SVIL: variants seen among roughly 807,000 people sequenced by gnomAD.
The protein encoded by SVIL is supervillin, also known as archvillin.
A neutral mutation model predicts 240.4 loss-of-function variants in SVIL; 101 were observed. That is an observed-to-expected ratio of 0.42 (90% CI 0.36 to 0.50). The LOEUF (loss-of-function observed/expected upper bound fraction) is 0.50, where lower values mean the gene tolerates loss of function less well. Among genes scored for constraint, SVIL ranks in the 20% least tolerant of loss-of-function variants. SVIL has a pLI of 0.01. For missense variants in SVIL, 2,512 were observed against 2,818.7 expected, an observed-to-expected ratio of 0.89 and a Z score of 2.46; for synonymous variants, 999 against 1,100.0, an observed-to-expected ratio of 0.91 and a Z score of 1.82.
chr10:29,553,248 G>C (rs59035123), intron 5 of SVIL, among the ~76,000 whole-genome samples: 45,414 of 151,682 alleles, frequency 0.3, 7,087 homozygotes, highest in African/African-American at 0.39. Context: ...ATCAACAGCT[G>C]TCTCTGAGCT....
At chr10:29,576,394 A>G (rs1383828557) in intron 1 of SVIL, among the ~76,000 whole-genome samples, 1 of 152,162 alleles carries the variant, frequency 6.6e-6, no homozygotes, top group Admixed American at 6.5e-5. Context: ...TGGTCTACAT[A>G]TAGAAGTTAA....
rs145284035 is a variant in SVIL at position 29,465,673 on chromosome 10, C to A, written c.6055G>T (p.Val2019Leu). 26 of 1,613,538 alleles carry A rather than the reference C, an allele frequency of 1.6e-5. No homozygotes were observed. The African/African-American group carries it at 2.5e-4, about 16-fold the overall frequency. ...SSGDFAATEF[V>L]YPARAPSVVS... ...ACAGAGGGGGCTCGGGCAGGGTACA[C>A]AAACTCTGTGGCTGCAAAATCCCCA... Residue 2019 changes from valine (V) to leucine (L), a missense_variant, in exon 34 of 38, where the codon GTG becomes TTG. By Grantham distance (32) the Val-to-Leu change is conservative. Around this residue, in one of 3 missense-constraint regions of SVIL, gnomAD observed 797 missense variants for 925.3 expected, o/e 0.86. Transcript: ENST00000355867.
intron 29 of SVIL, among the ~76,000 whole-genome samples, chr10:29,479,549 TC>T (rs1946600498): frequency 6.6e-6 from 1 of 152,214 alleles, no homozygotes; most frequent in Admixed American, 6.5e-5. Context: ...TGCTGGCTGT[TC>T]CTGCACCTGC....
intron 2 of SVIL, among the ~76,000 whole-genome samples, chr10:29,684,946 G>A (rs1217642555): frequency 6.6e-6 from 1 of 152,000 alleles, no homozygotes; most frequent in East Asian, 1.9e-4. Flanking sequence ...AGGTTCAGGG[G>A]TATTACACGT....
intron 1 of SVIL, among the ~76,000 whole-genome samples, chr10:29,693,571 A>G (rs1286447441): frequency 6.6e-6 from 1 of 152,188 alleles, no homozygotes; most frequent in African/African-American, 2.4e-5. Flanking sequence ...AGCAGGACTA[A>G]GCTGCCCCTG....
chr10:29,623,420 C>CAGTA (rs1309626455), intron 1 of SVIL, among the ~76,000 whole-genome samples: 1 of 152,166 alleles, frequency 6.6e-6, no homozygotes, highest in Non-Finnish European at 1.5e-5. Flanking sequence ...TTCTACTGGC[C>CAGTA]AGTACTAAGT....
chr10:29,680,199 T>C (rs1026043801), intron 2 of SVIL, among the ~76,000 whole-genome samples: 23 of 151,976 alleles, frequency 1.5e-4, no homozygotes, highest in African/African-American at 5.6e-4. Context: ...ATAATAAAAG[T>C]CTGTTTAGTC....
intron 3 of SVIL, among the ~76,000 whole-genome samples, chr10:29,557,599 CATTTT>C (rs1238200188): frequency 6.6e-6 from 1 of 152,048 alleles, no homozygotes; most frequent in South Asian, 2.1e-4. Flanking sequence ...CAACTAAAGG[CATTTT>C]AAAAAAAGAT....
chr10:29,636,323 C>T (rs1958309303), upstream of SVIL, among the ~76,000 whole-genome samples: 1 of 152,102 alleles, frequency 6.6e-6, no homozygotes, highest in African/African-American at 2.4e-5. Context: ...TAAAAACTTA[C>T]ATGAAACAGT....
intron 1 of SVIL, among the ~76,000 whole-genome samples, chr10:29,580,555 G>C (rs531640273): frequency 3.3e-5 from 5 of 152,198 alleles, no homozygotes; most frequent in African/African-American, 9.6e-5. Context: ...CCAGAGGTCC[G>C]TACGATGTCA....
chr10:29,466,240 TTA>T (rs1944905151), intron 33 of SVIL, among the ~76,000 whole-genome samples: 1 of 150,684 alleles, frequency 6.6e-6, no homozygotes, highest in Non-Finnish European at 1.5e-5. Flanking sequence ...TGCATATATG[TTA>T]TATAACATAA....
chr10:29,498,188 C>A (rs146903449), intron 18 of SVIL, among the ~76,000 whole-genome samples: 8,827 of 149,428 alleles, frequency 0.059, 813 homozygotes, highest in African/African-American at 0.2. Context: ...GAGGTCGAAG[C>A]GGGTGGATCA....
intron 2 of SVIL, among the ~76,000 whole-genome samples, chr10:29,666,814 AAGGAGG>A (rs2133049517): frequency 6.6e-6 from 1 of 152,340 alleles, no homozygotes; most frequent in East Asian, 1.9e-4. Context: ...GTTTCTCTTC[AAGGAGG>A]AAAATCACAC....
chr10:29,686,499 G>A (rs1037984085), intron 2 of SVIL: 1 of 152,170 alleles, frequency 6.6e-6, no homozygotes, highest in African/African-American at 2.4e-5. Flanking sequence ...TGCTGCTACT[G>A]CAGCTGAACT....
intron 1 of SVIL, among the ~76,000 whole-genome samples, chr10:29,693,749 A>T (rs983136677): frequency 3.3e-5 from 5 of 152,216 alleles, no homozygotes; most frequent in African/African-American, 1.2e-4. Context: ...AATGTGAGAA[A>T]AGCCAGGATA....
chr10:29,562,543 C>G (rs1332148047), intron 3 of SVIL, among the ~76,000 whole-genome samples: 7 of 152,156 alleles, frequency 4.6e-5, no homozygotes, highest in Non-Finnish European at 1.0e-4. Flanking sequence ...GGCGGATCAC[C>G]TAAGATCGGG....
intron 1 of SVIL, chr10:29,712,038 A>T (rs942317172): frequency 2.6e-5 from 4 of 152,072 alleles, no homozygotes; most frequent in East Asian, 1.9e-4. Context: ...ATAAAAATTT[A>T]AAAAATTTTA....
At position 29,555,225 on chromosome 10, in the gene SVIL, A is replaced by C. The variant is rs539534254; in HGVS notation, c.-50-117T>G. The C allele has an allele frequency of 7.3e-5, 77 of 1,049,316 alleles. 1 individual carries two copies. In the South Asian group the frequency reaches 1.2e-3, roughly 16 times the overall value. 65.0% of individuals were successfully genotyped at this position (1,049,316 alleles called of 1,614,324 possible). A position where few individuals can be genotyped will look rare whatever the true frequency, so the allele number is the denominator to read the frequency against. On this transcript the variant is annotated intron_variant, in intron 3 of 37. Coordinates refer to ENST00000355867, the MANE Select transcript of SVIL (RefSeq NM_021738.3). The stretch of plus-strand genomic sequence containing the variant: ...TTTCAGTTCTTGATTCCTATGTCAC[A>C]GTGACATGCAAAACTGACCAAGTTC...
Position 29,527,027 on chromosome 10 carries a change from C to T in SVIL, c.2276G>A (p.Gly759Asp). 1.9e-6 allele frequency: 3 copies of T among 1,613,550 alleles called. No homozygotes were observed. Among genetic ancestry groups the T allele is most frequent in the East Asian group, 2.2e-5 (1 of 44,868 alleles). ...AAGTCTCGCCATTACAGGGTGGGTG[C>T]CCCCAGAACACGAAGCGGGGATAGG... ...TEPIPASCSG[G>D]THPVMARLPS... Residue 759 changes from glycine to aspartate, a missense_variant, in exon 13 of 38, where the codon GGC (glycine) becomes GAC (aspartate). This residue lies in a region of SVIL where 1,443 missense variants were observed against 1,486.6 expected (regional missense o/e 0.97). Transcript: ENST00000355867.
Sources: gnomAD v4.1 joint callset for allele counts (sites outside exome capture counted in the v4.1 genomes callset) on GRCh38, gnomAD v4.1.1 for gene constraint, gnomAD v4.1.1 regional missense constraint, MANE v1.5 for transcripts, NCBI Gene and HGNC (gene_info 2026-07-23, HGNC 2026-07-21) for gene names.